Variants in DST observed in about 807,000 individuals in gnomAD.
DST encodes the protein dystonin, also known as bullous pemphigoid antigen.
Under a neutral mutation model 875.2 loss-of-function variants are expected in DST, and 253 were observed. The ratio of observed to expected loss-of-function variants is 0.29; its 90% CI spans 0.26 to 0.32. The LOEUF is 0.32. Among genes scored for constraint, DST ranks in the 10% least tolerant of loss-of-function variants. The pLI is 1.00. For missense variants in DST, 8,287 were observed against 9,111.6 expected (o/e 0.91, Z 3.68); for synonymous variants, 3,124 against 3,197.1 (o/e 0.98, Z 0.77).
At position 56,482,039 on chromosome 6, in the gene DST, A is replaced by G. The variant is rs771920987; in HGVS notation, c.21531+11T>C. 2.5e-6 allele frequency: 4 copies of G among 1,612,208 alleles called. No homozygotes were observed. Among genetic ancestry groups the G allele is most frequent in the Non-Finnish European group, 3.4e-6 (4 of 1,179,082 alleles). On this transcript the variant is annotated intron_variant, in intron 90 of 103. Transcript: ENST00000680361. ...TAATTTAGCTTTACATAGCATTTATATATTACTCACTTTATGCTGATCAAT... is the reference window on the plus strand; with the variant it reads ...TAATTTAGCTTTACATAGCATTTATGTATTACTCACTTTATGCTGATCAAT...
In DST at chr6:56,501,097, C is replaced by T. The variant is rs1241243898; in HGVS notation, c.19879G>A (p.Glu6627Lys). ...VGGDPKAIEI[E>K]LAKHHVLQND... is the part of the protein sequence containing the mutation. ...CTACGTACATGATGCTTGGCAAGTT[C>T]AATTTCAATGGCTTTAGGGTCTCCT... Residue 6627 changes from glutamate (E) to lysine (K), a missense_variant, in exon 80 of 104, where the codon GAA (glutamate) becomes AAA (lysine). Physicochemically the swap from Glu to Lys is moderately conservative, Grantham distance 56. Transcript: ENST00000680361. The T allele has an allele frequency of 6.2e-7, 1 of 1,612,442 alleles. No individual in the cohort carries two copies. The highest frequency in any genetic ancestry group is 8.5e-7 in the Non-Finnish European group (1 of 1,179,042).
rs566919114 is a variant in DST at position 56,685,359 on chromosome 6, G to A, written c.1047+14294C>T. Among the ~76,000 whole-genome samples, 9 of 152,166 alleles carry A rather than the reference G, an allele frequency of 5.9e-5. 1 individual carries two copies. The South Asian group carries it at 6.2e-4, about 11-fold the overall frequency. On this transcript the variant is annotated intron_variant, in intron 9 of 103. Transcript: ENST00000680361. ...TGCTTTTTAATGATGTTGATACTTC[G>A]CAAAAGAAGTCATACAAGCGGCCAA...
In DST at chr6:56,494,022, G is replaced by A; in HGVS notation, c.20382C>T (p.Leu6794=). The change falls in exon 83 of 104, where the codon CTC becomes CTT. Residue 6794 remains leucine (L), a synonymous_variant. Coordinates refer to ENST00000680361, the MANE Select transcript of DST (RefSeq NM_001374736.1). ...TCAAAGCACATACTTTCCTTTCATTGAGTTTGGTTTCCACCGATTCCCATT... is the reference window on the plus strand; with the variant it reads ...TCAAAGCACATACTTTCCTTTCATTAAGTTTGGTTTCCACCGATTCCCATT... ...KEKWESVETK[L]NERKTKLEEA... 6.3e-7 allele frequency: 1 copy of A among 1,588,236 alleles called. No homozygotes were observed. Among genetic ancestry groups the A allele is most frequent in the South Asian group, 1.2e-5 (1 of 86,682 alleles).
At chr6:56,740,338 C>G (rs2099542347) in intron 4 of DST, among the ~76,000 whole-genome samples, 1 of 152,100 alleles carries the variant, frequency 6.6e-6, no homozygotes, top group Non-Finnish European at 1.5e-5. Context: ...AAGCTCATGA[C>G]CTGGAGAGGA....
chr6:56,615,652 G>C, intron 36 of DST: 1 of 1,613,850 alleles, frequency 6.2e-7, no homozygotes, highest in Non-Finnish European at 8.5e-7. Flanking sequence ...TTGTCTGAGG[G>C]CATATTATAT....
intron 22 of DST, chr6:56,639,049 T>A (rs1337403454): frequency 3.3e-6 from 2 of 602,370 alleles, no homozygotes; most frequent in East Asian, 5.6e-5. Context: ...CCACAGAGGC[T>A]GACAAGGGTA....
intron 4 of DST, among the ~76,000 whole-genome samples, chr6:56,747,029 G>A (rs1375979827): frequency 6.6e-6 from 1 of 152,136 alleles, no homozygotes; most frequent in Non-Finnish European, 1.5e-5. Flanking sequence ...GAGAATGGCT[G>A]CCCAGTCTGA....
chr6:56,586,676 G>T (rs2098159191), intron 49 of DST, among the ~76,000 whole-genome samples: 1 of 152,146 alleles, frequency 6.6e-6, no homozygotes, highest in African/African-American at 2.4e-5. Flanking sequence ...GGGGCAGACT[G>T]ACACCTCACA....
At chr6:56,713,529 T>C (rs1336876686) in intron 5 of DST, among the ~76,000 whole-genome samples, 1 of 152,146 alleles carries the variant, frequency 6.6e-6, no homozygotes, top group Non-Finnish European at 1.5e-5. Context: ...ATGGTTACAA[T>C]ATGAGTCAGG....
At chr6:56,929,551 A>G (rs1809035724) in intron 2 of DST, among the ~76,000 whole-genome samples, 1 of 152,180 alleles carries the variant, frequency 6.6e-6, no homozygotes, top group South Asian at 2.1e-4. Context: ...AGAAACTAAG[A>G]ATAGTCATTA....
chr6:56,670,255 G>A (rs2099094760), intron 10 of DST, among the ~76,000 whole-genome samples: 2 of 151,856 alleles, frequency 1.3e-5, no homozygotes, highest in Admixed American at 1.3e-4. Flanking sequence ...TTAAGCCAGA[G>A]TCTCACCCTG....
intron 3 of DST, among the ~76,000 whole-genome samples, chr6:56,885,366 G>C (rs534045067): frequency 6.6e-6 from 1 of 152,222 alleles, no homozygotes; most frequent in African/African-American, 2.4e-5. Flanking sequence ...ATATGATAAT[G>C]CTATTTTTTA....
In DST at chr6:56,527,388, C is replaced by T. The variant is rs766372980; in HGVS notation, c.17922+105G>A. 80 of 1,404,078 alleles carry T rather than the reference C, an allele frequency of 5.7e-5. 1 individual carries two copies. The Middle Eastern group carries it at 1.3e-3, about 23-fold the overall frequency. 87.0% of individuals were successfully genotyped at this position (1,404,078 alleles called of 1,614,324 possible). On this transcript the variant is annotated intron_variant, in intron 68 of 103. Coordinates refer to ENST00000680361, the MANE Select transcript of DST (RefSeq NM_001374736.1). ...TTGGGTCTCCACCCACCAAGGCATC[C>T]TTCAGCATATGTAATGACATAAGAC... is the stretch of plus-strand genomic sequence containing the variant.
intron 72 of DST, among the ~76,000 whole-genome samples, chr6:56,513,232 CTT>C (rs5876513): frequency 5.6e-5 from 8 of 142,092 alleles, no homozygotes; most frequent in Non-Finnish European, 7.6e-5. Context: ...TGAGAGGAGC[CTT>C]TTTTTTTTTT....
Position 56,511,309 on chromosome 6 carries a change from C to T in DST, c.18668G>A (p.Gly6223Asp). Residue 6223 changes from glycine to aspartate, a missense_variant, in exon 73 of 104, where the codon GGC (glycine) becomes GAC (aspartate). By Grantham distance (94) the Gly-to-Asp change is moderately conservative (BLOSUM62 -1). Around this residue, in one of 10 missense-constraint regions of DST, gnomAD observed 1,292 missense variants for 1,552.7 expected, o/e 0.83. Transcript: ENST00000680361. Reference sequence around the variant, plus strand: ...CACATACTTCTCTTGGATAGAAAAGCCTTCCCCAGGGCTCAATTCCAGTAA... The same window carrying T: ...CACATACTTCTCTTGGATAGAAAAGTCTTCCCCAGGGCTCAATTCCAGTAA... Reference protein sequence around the residue: ...PQLLELSPGEGFSIQEKYVAA... With the variant: ...PQLLELSPGEDFSIQEKYVAA... 6.2e-7 allele frequency: 1 copy of T among 1,606,162 alleles called. No individual in the cohort carries two copies. Among genetic ancestry groups the T allele is most frequent in the East Asian group, 2.2e-5 (1 of 44,692 alleles).
chr6:56,571,524 A>T (rs1313565696), intron 53 of DST, among the ~76,000 whole-genome samples: 1 of 152,210 alleles, frequency 6.6e-6, no homozygotes, highest in Non-Finnish European at 1.5e-5. Flanking sequence ...TCCGATGTAT[A>T]TTCTAAACTA....
At chr6:56,755,477 T>C (rs2099599795) in intron 4 of DST, among the ~76,000 whole-genome samples, 1 of 152,266 alleles carries the variant, frequency 6.6e-6, no homozygotes, top group African/African-American at 2.4e-5. Flanking sequence ...ACATATACTC[T>C]GTAAGTAAGG....
At chr6:56,833,617 T>C (rs1051498499) in intron 4 of DST, among the ~76,000 whole-genome samples, 1 of 152,056 alleles carries the variant, frequency 6.6e-6, no homozygotes, top group Non-Finnish European at 1.5e-5. Context: ...TACAACAGCA[T>C]ATTAGATACA....
intron 5 of DST, among the ~76,000 whole-genome samples, chr6:56,721,513 A>G (rs1301733852): frequency 6.6e-6 from 1 of 152,200 alleles, no homozygotes; most frequent in Non-Finnish European, 1.5e-5. Context: ...GGAACTAATA[A>G]ATGTCCATGA....
Sources: allele counts gnomAD v4.1 joint callset (sites outside exome capture counted in the v4.1 genomes callset), GRCh38; gene constraint gnomAD v4.1.1; regional missense constraint gnomAD v4.1.1; transcripts MANE v1.5; gene names NCBI Gene and HGNC (gene_info 2026-07-23, HGNC 2026-07-21).